Variants in GRIP1 observed in about 807,000 individuals in gnomAD.
The protein encoded by GRIP1 is glutamate receptor interacting protein 1, also known as glutamate receptor-interacting protein 1.
In GRIP1, 45 loss-of-function variants were observed where a neutral mutation model predicts 129.9. That is an observed-to-expected ratio of 0.35 (90% CI 0.27 to 0.44). GRIP1 has a LOEUF of 0.44. GRIP1 is among the 20% of genes least tolerant of loss of function. GRIP1 has a pLI of 1.00. For missense variants in GRIP1, 1,196 were observed against 1,396.8 expected, an observed-to-expected ratio of 0.86 and a Z score of 2.29; for synonymous variants, 530 against 520.8, an observed-to-expected ratio of 1.02 and a Z score of -0.24.
chr12:66,617,549 T>C (rs1177013378), intron 1 of GRIP1, among the ~76,000 whole-genome samples: 1 of 152,064 alleles, frequency 6.6e-6, no homozygotes, highest in African/African-American at 2.4e-5. Flanking sequence ...GTTCCAGGGA[T>C]GATCTGAATA....
At chr12:66,804,261 A>G (rs770001197), upstream of GRIP1, 128 of 381,706 alleles carry the variant, frequency 3.4e-4, no homozygotes, top group Non-Finnish European at 5.8e-4. Flanking sequence ...GAGCCGGTGG[A>G]GCATGAATGA....
At chr12:66,874,028 G>A (rs1395378746) in intron 1 of GRIP1, among the ~76,000 whole-genome samples, 1 of 152,056 alleles carries the variant, frequency 6.6e-6, no homozygotes, top group East Asian at 1.9e-4. Context: ...GATTCTTGAA[G>A]GACATCTGTC....
chr12:66,365,408 G>A (rs1362802803), intron 23 of GRIP1, among the ~76,000 whole-genome samples: 1 of 152,244 alleles, frequency 6.6e-6, no homozygotes, highest in Non-Finnish European at 1.5e-5. Flanking sequence ...CTGCACTCCA[G>A]CCTGGGCAAC....
At chr12:66,959,952 C>A (rs1476541171) in intron 1 of GRIP1, among the ~76,000 whole-genome samples, 1 of 151,764 alleles carries the variant, frequency 6.6e-6, no homozygotes, top group Non-Finnish European at 1.5e-5. Flanking sequence ...ATATATATAT[C>A]CTTAAGTGTA....
intron 1 of GRIP1, among the ~76,000 whole-genome samples, chr12:67,011,139 C>A (rs2042700886): frequency 6.6e-6 from 1 of 152,176 alleles, no homozygotes; most frequent in Non-Finnish European, 1.5e-5. Context: ...ACCTCAAACT[C>A]AACATCTCCA....
chr12:66,914,384 T>C (rs185160172), intron 1 of GRIP1, among the ~76,000 whole-genome samples: 15 of 152,318 alleles, frequency 9.8e-5, no homozygotes, highest in African/African-American at 2.9e-4. Context: ...AAACATGTAA[T>C]GGATATGAAT....
Position 66,451,383 on chromosome 12 carries a change from GTTTTTTTTTTTTTTTTTTTT to G in GRIP1, c.1354+4006_1354+4025del, listed in dbSNP as rs1169331519. Among the ~76,000 whole-genome samples, 61 of 42,654 alleles carry G rather than the reference GTTTTTTTTTTTTTTTTTTTT, an allele frequency of 1.4e-3. 2 individuals carry two copies. In the East Asian group the frequency reaches 0.027, roughly 19 times the overall value. The allele number at this position is 42,654 out of a possible 152,430, so 28.0% of individuals were successfully genotyped here. On this transcript the variant is annotated intron_variant, in intron 11 of 24. Transcript: ENST00000359742. Reference sequence around the variant, plus strand: ...CCCCAAAGATTTATTATTATAATCTGTTTTTTTTTTTTTTTTTTTTTTTTTTTTTTTTTTTTTTCAGATAG... The same window carrying G: ...CCCCAAAGATTTATTATTATAATCTGTTTTTTTTTTTTTTTTTTCAGATAG...
chr12:66,821,877 C>T (rs1268184403), intron 1 of GRIP1, among the ~76,000 whole-genome samples: 3 of 152,130 alleles, frequency 2.0e-5, no homozygotes, highest in Non-Finnish European at 4.4e-5. Context: ...CAAGTCATAT[C>T]TAATAGGGGT....
chr12:66,800,283 A>G (rs1314803865), intron 1 of GRIP1, among the ~76,000 whole-genome samples: 3 of 152,166 alleles, frequency 2.0e-5, no homozygotes, highest in African/African-American at 7.2e-5. Flanking sequence ...TTTCCCAGAC[A>G]GCTTTTCTTC....
chr12:66,850,057 A>T (rs1008755302), intron 1 of GRIP1, among the ~76,000 whole-genome samples: 2 of 152,184 alleles, frequency 1.3e-5, no homozygotes, highest in African/African-American at 2.4e-5. Context: ...ACTTATGGAG[A>T]TACTTACACT....
At chr12:66,514,409 A>C (rs1342166369) in intron 7 of GRIP1, among the ~76,000 whole-genome samples, 2 of 152,180 alleles carry the variant, frequency 1.3e-5, no homozygotes, top group African/African-American at 4.8e-5. Context: ...TTGACAAATA[A>C]GGCACAGGGA....
chr12:66,844,344 C>T (rs1054533391), intron 1 of GRIP1, among the ~76,000 whole-genome samples: 1 of 152,160 alleles, frequency 6.6e-6, no homozygotes, highest in Non-Finnish European at 1.5e-5. Context: ...CGAAAATATG[C>T]TCAACATCAC....
intron 15 of GRIP1, chr12:66,407,465 T>C (rs1417585836): frequency 6.6e-6 from 1 of 152,308 alleles, no homozygotes; most frequent in Non-Finnish European, 1.5e-5. Context: ...AGTCTTGAAC[T>C]GATGATGCCG....
intron 22 of GRIP1, among the ~76,000 whole-genome samples, chr12:66,376,441 G>C (rs529284518): frequency 6.6e-6 from 1 of 152,280 alleles, no homozygotes; most frequent in South Asian, 2.1e-4. Flanking sequence ...AACAGTCCAG[G>C]ACTTCCTAGA....
chr12:66,905,697 T>C (rs770696119), intron 1 of GRIP1, among the ~76,000 whole-genome samples: 6 of 152,208 alleles, frequency 3.9e-5, no homozygotes, highest in Non-Finnish European at 7.4e-5. Context: ...GGTCTTATTA[T>C]AGCTCATATT....
chr12:66,550,913 G>A (rs1311770763), intron 2 of GRIP1, among the ~76,000 whole-genome samples: 1 of 152,166 alleles, frequency 6.6e-6, no homozygotes, highest in African/African-American at 2.4e-5. Flanking sequence ...GCACTGGGCA[G>A]GATATCTCGG....
upstream of GRIP1, chr12:66,679,197 C>T (rs2034480798): frequency 8.1e-7 from 1 of 1,240,876 alleles, no homozygotes; most frequent in Non-Finnish European, 1.0e-6. Flanking sequence ...CCAAATTGTA[C>T]AAAGCAGGGA....
chr12:66,928,899 T>C (rs994039477), intron 1 of GRIP1, among the ~76,000 whole-genome samples: 1 of 152,222 alleles, frequency 6.6e-6, no homozygotes, highest in East Asian at 1.9e-4. Flanking sequence ...GGGACACCAC[T>C]GTGTATCCCC....
rs1182237707 is a variant in GRIP1 at position 66,539,084 on chromosome 12, G to A, written c.412C>T (p.Pro138Ser). ...VVLEVEYELPPVSVQGSSVIF... is the reference protein window; with the variant it reads ...VVLEVEYELPSVSVQGSSVIF... ...GGGGGGCTACTGTACTTACAGACCG[G>A]TGGAAGCTCGTACTCTACTTCAAGA... The change falls in exon 4 of 25, where the codon CCG becomes TCG. Residue 138 changes from proline to serine, a missense_variant. Physicochemically the swap from Pro to Ser is moderately conservative, Grantham distance 74. This residue lies in a region of GRIP1 where 217 missense variants were observed against 224.8 expected (regional missense o/e 0.97). Transcript: ENST00000359742. The A allele has an allele frequency of 1.2e-6, 2 of 1,613,654 alleles. No individual in the cohort carries two copies. The highest frequency in any genetic ancestry group is 3.3e-5 in the Admixed American group (2 of 59,984).
Sources: gnomAD v4.1 joint callset for allele counts (sites outside exome capture counted in the v4.1 genomes callset) on GRCh38, gnomAD v4.1.1 for gene constraint, gnomAD v4.1.1 regional missense constraint, MANE v1.5 for transcripts, NCBI Gene and HGNC (gene_info 2026-07-23, HGNC 2026-07-21) for gene names.